The following NTN1 variants were observed in gnomAD, a reference collection of about 807,000 sequenced individuals.
NTN1 encodes the protein netrin-1.
NTN1 carries 11 observed loss-of-function variants against 54.2 expected under a neutral mutation model. The ratio of observed to expected loss-of-function variants is 0.20; its 90% CI spans 0.13 to 0.34. The LOEUF is 0.34. Ranked by LOEUF, NTN1 falls within the 10% of genes least tolerant of loss-of-function variation. The pLI, the probability that NTN1 is intolerant of heterozygous loss-of-function variation, is 1.00. For synonymous variants in NTN1, 371 were observed against 382.0 expected (o/e 0.97, Z 0.33); for missense variants, 740 against 893.1 (o/e 0.83, Z 2.18).
rs1266514510 is a variant in NTN1, at chr17:9,114,143, CAAAAAAAAAGA to C, written c.1019-48660_1019-48650del. On this transcript the variant is annotated intron_variant, in intron 2 of 6. Coordinates refer to ENST00000173229, the MANE Select transcript of NTN1 (RefSeq NM_004822.3). ...CGCCACTGCACTCTAGCCTGGGTGCCAAAAAAAAAGAAAAAAAAAAAAAATATATATATATA... is the reference window on the plus strand; with the variant it reads ...CGCCACTGCACTCTAGCCTGGGTGCCAAAAAAAAAAAAATATATATATATA... Among the ~76,000 whole-genome samples, 18 of 61,078 alleles carry C rather than the reference CAAAAAAAAAGA, an allele frequency of 2.9e-4. 1 individual carries two copies. The highest frequency in any genetic ancestry group is 9.1e-4 in the South Asian group (2 of 2,202). The allele number at this position is 61,078 out of a possible 152,430, so 40.1% of individuals were successfully genotyped here.
At chr17:9,185,304 G>A (rs1398838280) in intron 5 of NTN1, among the ~76,000 whole-genome samples, 1 of 151,766 alleles carries the variant, frequency 6.6e-6, no homozygotes, top group Non-Finnish European at 1.5e-5. Flanking sequence ...GGCCCCCTGG[G>A]AAGCGGGGCC....
chr17:9,197,831 G>T (rs745520863), intron 5 of NTN1, among the ~76,000 whole-genome samples: 3 of 152,054 alleles, frequency 2.0e-5, no homozygotes, highest in Non-Finnish European at 4.4e-5. Context: ...GTCCTACGAG[G>T]CCACCTCCTT....
chr17:9,088,083 G>A (rs1250242610), intron 2 of NTN1, among the ~76,000 whole-genome samples: 3 of 152,178 alleles, frequency 2.0e-5, no homozygotes, highest in Non-Finnish European at 4.4e-5. Flanking sequence ...CTGCTGTGCT[G>A]GAAGGAGAAG....
chr17:9,030,618 G>A (rs1474823377), intron 2 of NTN1, among the ~76,000 whole-genome samples: 2 of 152,122 alleles, frequency 1.3e-5, no homozygotes, highest in African/African-American at 4.8e-5. Flanking sequence ...GGTGGCACGT[G>A]CCTGTAATCC....
At chr17:9,088,603 A>C (rs562736680) in intron 2 of NTN1, among the ~76,000 whole-genome samples, 4 of 152,216 alleles carry the variant, frequency 2.6e-5, no homozygotes, top group African/African-American at 9.6e-5. Flanking sequence ...TGGGTTGTTC[A>C]TTTGAGGACT....
rs890890523 is a variant in NTN1, at chr17:9,219,561, C to A, written c.1412-1607C>A. On this transcript the variant is annotated intron_variant, in intron 5 of 6. Transcript: ENST00000173229. The surrounding 1 kb of genome is among the most constrained non-coding windows in gnomAD (Gnocchi z 4.5). The stretch of plus-strand genomic sequence containing the variant: ...GGTAGTGGGATAGAGCTGCATTGAT[C>A]TTCATTGAGGCACCAGTCAATGTAT... Among the ~76,000 whole-genome samples, 1 of 152,208 alleles carries A rather than the reference C, an allele frequency of 6.6e-6. No individual in the cohort carries two copies. The highest frequency in any genetic ancestry group is 2.4e-5 in the African/African-American group (1 of 41,440).
chr17:9,134,728 G>T (rs575461388), intron 2 of NTN1, among the ~76,000 whole-genome samples: 1 of 152,292 alleles, frequency 6.6e-6, no homozygotes, highest in South Asian at 2.1e-4. Flanking sequence ...ACCCTTCTAG[G>T]TGCGAAGTGA....
chr17:9,004,945 C>A, the NTN1 span, among the ~76,000 whole-genome samples: 20 of 152,208 alleles, frequency 1.3e-4, no homozygotes, highest in Non-Finnish European at 2.5e-4. Context: ...AATCTCCGTA[C>A]TACTCATCAA....
rs1047746011 is a variant in NTN1 at position 9,066,590 on chromosome 17, T to A, written c.1018+43199T>A. Among the ~76,000 whole-genome samples the A allele has an allele frequency of 3.3e-5, 5 of 152,168 alleles. No individual in the cohort carries two copies. In the East Asian group the frequency reaches 9.7e-4, roughly 29 times the overall value. ...TTGCAGTGAGCTGAGATTGTGCCAC[T>A]GCACTCCAGCCTGGGCGACAGAGTG... is the stretch of plus-strand genomic sequence containing the variant. On this transcript the variant is annotated intron_variant, in intron 2 of 6. Coordinates refer to ENST00000173229, the MANE Select transcript of NTN1 (RefSeq NM_004822.3).
rs945482053 is a variant in NTN1 at position 9,240,695 on chromosome 17, GGA to G, written c.*733_*734del. On this transcript the variant is annotated 3_prime_UTR_variant, in exon 7 of 7. Coordinates refer to ENST00000173229, the MANE Select transcript of NTN1 (RefSeq NM_004822.3). ...TGGGGTCGGTGAGTGGTTCACCTGT[GGA>G]GAGAGGAGAGGAAGCCCCTGCTGCT... 3.3e-5 allele frequency: 5 copies of G among 153,702 alleles called. No homozygotes were observed. The highest frequency in any genetic ancestry group is 5.8e-5 in the Non-Finnish European group (4 of 69,486). 9.5% of individuals were successfully genotyped at this position (153,702 alleles called of 1,614,324 possible).
At chr17:9,037,087 A>G (rs1047407075) in intron 2 of NTN1, among the ~76,000 whole-genome samples, 1 of 152,212 alleles carries the variant, frequency 6.6e-6, no homozygotes, top group Non-Finnish European at 1.5e-5. Context: ...TCTACCACTA[A>G]CATGAAGAAA....
At chr17:9,170,861 G>GACAC (rs35971543) in intron 3 of NTN1, among the ~76,000 whole-genome samples, 4 of 150,424 alleles carry the variant, frequency 2.7e-5, no homozygotes, top group Non-Finnish European at 4.4e-5. Flanking sequence ...AAGCTCTTGT[G>GACAC]ACACACACAC....
the NTN1 span, among the ~76,000 whole-genome samples, chr17:9,011,799 A>G: frequency 3.3e-5 from 5 of 152,162 alleles, no homozygotes; most frequent in Non-Finnish European, 7.4e-5. Flanking sequence ...CATGTTGGCC[A>G]GGATGGTCTC....
intron 6 of NTN1, among the ~76,000 whole-genome samples, chr17:9,228,455 G>A (rs567724910): frequency 6.6e-6 from 1 of 152,122 alleles, no homozygotes; most frequent in Non-Finnish European, 1.5e-5. Flanking sequence ...TCCAGCTCAC[G>A]TGGACACGCG....
intron 5 of NTN1, among the ~76,000 whole-genome samples, chr17:9,192,582 T>C (rs985970027): frequency 6.6e-6 from 1 of 152,166 alleles, no homozygotes; most frequent in Admixed American, 6.5e-5. Context: ...AAGTATCTTG[T>C]GTTACGCAGG....
At chr17:9,034,970 G>A (rs559355788) in intron 2 of NTN1, among the ~76,000 whole-genome samples, 5 of 151,362 alleles carry the variant, frequency 3.3e-5, no homozygotes, top group African/African-American at 7.3e-5. Flanking sequence ...TTTTTGAGAC[G>A]GAGTTTCGCT....
the NTN1 span, among the ~76,000 whole-genome samples, chr17:9,015,869 G>A: frequency 1.3e-5 from 2 of 152,006 alleles, no homozygotes; most frequent in Non-Finnish European, 2.9e-5. Flanking sequence ...TCAGAAGCTC[G>A]AGACCAGCCT....
At chr17:9,063,350 G>C (rs563143992) in intron 2 of NTN1, among the ~76,000 whole-genome samples, 1 of 152,034 alleles carries the variant, frequency 6.6e-6, no homozygotes, top group South Asian at 2.1e-4. Flanking sequence ...CACCCACCTC[G>C]GCCTCCCAAA....
intron 2 of NTN1, among the ~76,000 whole-genome samples, chr17:9,143,846 AC>A (rs1459303078): frequency 2.0e-5 from 3 of 150,808 alleles, no homozygotes; most frequent in Non-Finnish European, 4.4e-5. Flanking sequence ...TCCCTGGGTC[AC>A]CCTGTTTGTG....
Sources: gnomAD v4.1 joint callset for allele counts (sites outside exome capture counted in the v4.1 genomes callset) on GRCh38, gnomAD v4.1.1 for gene constraint, Gnocchi (gnomAD v3.1) non-coding constraint, MANE v1.5 for transcripts, NCBI Gene and HGNC (gene_info 2026-07-23, HGNC 2026-07-21) for gene names.